The following DYNC1LI1 variants were observed in gnomAD, a reference collection of about 807,000 sequenced individuals.
The protein encoded by DYNC1LI1 is cytoplasmic dynein 1 light intermediate chain 1.
Under a neutral mutation model 63.8 loss-of-function variants are expected in DYNC1LI1, and 19 were observed. That is an observed-to-expected ratio of 0.30 (90% confidence interval 0.21 to 0.44). DYNC1LI1 has a LOEUF of 0.44. Among genes scored for constraint, DYNC1LI1 ranks in the 20% least tolerant of loss-of-function variants. DYNC1LI1 has a pLI of 1.00. For missense variants in DYNC1LI1, 565 were observed against 630.2 expected, an observed-to-expected ratio of 0.90 and a Z score of 1.11; for synonymous variants, 225 against 232.3, an observed-to-expected ratio of 0.97 and a Z score of 0.28.
intron 2 of DYNC1LI1, among the ~76,000 whole-genome samples, chr3:32,551,654 A>T (rs1481521810): frequency 6.6e-6 from 1 of 152,198 alleles, no homozygotes; most frequent in African/African-American, 2.4e-5. Flanking sequence ...TTCTGAACTA[A>T]GGTATGGAGG....
chr3:32,565,575 A>G (rs1698247292), intron 2 of DYNC1LI1, among the ~76,000 whole-genome samples: 1 of 152,204 alleles, frequency 6.6e-6, no homozygotes, highest in Non-Finnish European at 1.5e-5. Flanking sequence ...GATTCTATAG[A>G]TTAAGAGTAC....
At chr3:32,539,025 C>G (rs1169715728) in intron 5 of DYNC1LI1, among the ~76,000 whole-genome samples, 1 of 152,032 alleles carries the variant, frequency 6.6e-6, no homozygotes, top group Non-Finnish European at 1.5e-5. Context: ...TAACATTTTT[C>G]TTTTGGAAAG....
chr3:32,559,058 C>CTTT (rs113088362), intron 2 of DYNC1LI1, among the ~76,000 whole-genome samples: 2,337 of 141,664 alleles, frequency 0.016, 65 homozygotes, highest in African/African-American at 0.057. Context: ...ATTACTACTA[C>CTTT]TTTTTTTTTT....
chr3:32,528,032 A>G (rs1041409064), intron 12 of DYNC1LI1, among the ~76,000 whole-genome samples: 1 of 143,522 alleles, frequency 7.0e-6, no homozygotes, highest in African/African-American at 2.6e-5. Context: ...GGGGCAGGAG[A>G]CTCACTTGAA....
intron 2 of DYNC1LI1, among the ~76,000 whole-genome samples, chr3:32,547,112 G>A (rs1386936770): frequency 2.6e-5 from 4 of 151,974 alleles, no homozygotes; most frequent in South Asian, 2.1e-4. Context: ...GCACAGTGGC[G>A]CGCATCTGTA....
At chr3:32,560,141 A>G (rs1698169796) in intron 2 of DYNC1LI1, among the ~76,000 whole-genome samples, 2 of 152,208 alleles carry the variant, frequency 1.3e-5, no homozygotes. Context: ...CCAATTTTGA[A>G]TTCCAGCTGA....
At chr3:32,535,157 G>A (rs573246992) in intron 6 of DYNC1LI1, among the ~76,000 whole-genome samples, 28 of 152,308 alleles carry the variant, frequency 1.8e-4, no homozygotes, top group African/African-American at 6.7e-4. Context: ...TGAAAGGTGA[G>A]CCAGCAGGTA....
Position 32,532,485 on chromosome 3 carries a change from G to GTATATATATATATA in DYNC1LI1, c.1080+500_1080+501insTATATATATATATA, listed in dbSNP as rs1292389896. 539 of 122,254 alleles carry GTATATATATATATA rather than the reference G, an allele frequency of 4.4e-3. 7 individuals carry two copies. The highest frequency in any genetic ancestry group is 7.7e-3 in the Non-Finnish European group (430 of 55,872). 7.6% of individuals were successfully genotyped at this position (122,254 alleles called of 1,614,324 possible). ...CATCTCAAAAAAAAAAAAAAAATGT[G>GTATATATATATATA]TGTATATATATATATATATATAAAA... On this transcript the variant is annotated intron_variant, in intron 8 of 12. Coordinates refer to ENST00000273130, the MANE Select transcript of DYNC1LI1 (RefSeq NM_016141.4).
chr3:32,527,212 G>A (rs1260102167), intron 12 of DYNC1LI1, among the ~76,000 whole-genome samples: 1 of 152,142 alleles, frequency 6.6e-6, no homozygotes, highest in Non-Finnish European at 1.5e-5. Flanking sequence ...CAGGAGAACT[G>A]CTTGAACCCG....
chr3:32,529,574 A>G lies in DYNC1LI1; in HGVS notation c.1272T>C (p.Pro424=). ...SSNVASVSPI[P]AGSKKIDPNM... ...TTGGATCAATTTTTTTTGACCCAGC[A>G]GGAATGGGTGACACGCTGGCAACAT... Residue 424 remains proline, a synonymous_variant, in exon 11 of 13, where the codon CCT becomes CCC. Coordinates refer to ENST00000273130, the MANE Select transcript of DYNC1LI1 (RefSeq NM_016141.4). 6.2e-7 allele frequency: 1 copy of G among 1,608,870 alleles called. No individual in the cohort carries two copies. Among genetic ancestry groups the G allele is most frequent in the Non-Finnish European group, 8.5e-7 (1 of 1,177,544 alleles).
intron 2 of DYNC1LI1, among the ~76,000 whole-genome samples, chr3:32,557,171 A>AT (rs1378414700): frequency 1.3e-5 from 2 of 152,270 alleles, no homozygotes; most frequent in Middle Eastern, 3.4e-3. Flanking sequence ...AATTAGAAGG[A>AT]TAAAAAATAT....
chr3:32,530,239 T>A, intron 10 of DYNC1LI1, 45 bp downstream of exon 10: 1 of 1,481,610 alleles, frequency 6.7e-7, no homozygotes, highest in Non-Finnish European at 9.2e-7. Flanking sequence ...ACTAAAATAA[T>A]ATGTACTGCA....
chr3:32,552,177 G>A (rs996330627), intron 2 of DYNC1LI1, among the ~76,000 whole-genome samples: 3 of 152,024 alleles, frequency 2.0e-5, no homozygotes, highest in Admixed American at 6.6e-5. Context: ...TCTGCATGTT[G>A]CCTAACCTCC....
chr3:32,562,684 C>T (rs1354469449), intron 2 of DYNC1LI1, among the ~76,000 whole-genome samples: 2 of 152,170 alleles, frequency 1.3e-5, no homozygotes, highest in Non-Finnish European at 2.9e-5. Context: ...ACATGCATTA[C>T]TTTCATAATT....
chr3:32,564,469 T>C (rs751549320), intron 2 of DYNC1LI1, among the ~76,000 whole-genome samples: 3 of 152,230 alleles, frequency 2.0e-5, no homozygotes, highest in Non-Finnish European at 4.4e-5. Context: ...ATGGCTGTTT[T>C]GGAACTACAA....
intron 8 of DYNC1LI1, 60 bp from the exon 9 acceptor site, chr3:32,530,580 T>C: frequency 7.2e-7 from 1 of 1,394,440 alleles, no homozygotes; most frequent in Non-Finnish European, 1.0e-6. Context: ...CAATTAATAA[T>C]TTATTCTCTA....
intron 4 of DYNC1LI1, among the ~76,000 whole-genome samples, chr3:32,543,994 G>A (rs935692020): frequency 1.3e-5 from 2 of 151,560 alleles, no homozygotes; most frequent in Non-Finnish European, 2.9e-5. Context: ...GTGGGGGGGC[G>A]GGCAGAGGTT....
rs760540216 is a variant in DYNC1LI1 at position 32,545,907 on chromosome 3, A to G, written c.279T>C (p.Tyr93=). The change falls in exon 3 of 13, where the codon TAT becomes TAC. Residue 93 remains tyrosine (Y), a synonymous_variant. Coordinates refer to ENST00000273130, the MANE Select transcript of DYNC1LI1 (RefSeq NM_016141.4). ...LIRKIQGIEE[Y]KKGRGLEYLY... is the part of the protein sequence containing the mutation. ...AATATTCCAATCCTCTTCCTTTCTT[A>G]TACTCCTCTATTCCCTGAATTTTTC... 3 of 1,613,254 alleles carry G rather than the reference A, an allele frequency of 1.9e-6. No individual in the cohort carries two copies. The highest frequency in any genetic ancestry group is 2.2e-5 in the South Asian group (2 of 91,066).
rs373896391 is a variant in DYNC1LI1 at position 32,546,740 on chromosome 3, G to A, written c.221-775C>T. On this transcript the variant is annotated intron_variant, in intron 2 of 12. Coordinates refer to ENST00000273130, the MANE Select transcript of DYNC1LI1 (RefSeq NM_016141.4). ...ACATCAATCAGTTCCCTGTACATCA[G>A]GACAGGGAACTGTGACCTTTAGCAG... 7.0e-4 allele frequency among the ~76,000 whole-genome samples: 107 copies of A among 152,192 alleles called. 1 individual carries two copies. Among genetic ancestry groups the A allele is most frequent in the African/African-American group, 2.5e-3 (102 of 41,524 alleles).
Sources: gnomAD v4.1 joint callset for allele counts (sites outside exome capture counted in the v4.1 genomes callset) on GRCh38, gnomAD v4.1.1 for gene constraint, MANE v1.5 for transcripts, NCBI Gene and HGNC (gene_info 2026-07-23, HGNC 2026-07-21) for gene names.